YTHDC2: variants seen among roughly 807,000 people sequenced by gnomAD.
The protein encoded by YTHDC2 is YTH N6-methyladenosine RNA binding protein C2, also known as 3'-5' RNA helicase YTHDC2.
YTHDC2 carries 45 observed loss-of-function variants against 174.9 expected under a neutral mutation model. That is an observed-to-expected ratio of 0.26 (90% CI 0.20 to 0.33). The LOEUF (loss-of-function observed/expected upper bound fraction) is 0.33. YTHDC2 is among the 10% of genes least tolerant of loss of function. YTHDC2 has a pLI of 1.00. For missense variants in YTHDC2, 1,650 were observed against 1,723.7 expected (o/e 0.96, Z 0.76); for synonymous variants, 657 against 574.5 (o/e 1.14, Z -2.05).
chr5:113,563,715 T>C lies in YTHDC2; in HGVS notation c.2443-144T>C. The C allele has an allele frequency of 2.0e-6, 2 of 1,016,902 alleles. 1 individual carries two copies. The highest frequency in any genetic ancestry group is 2.8e-6 in the Non-Finnish European group (2 of 710,238). 63.0% of individuals were successfully genotyped at this position (1,016,902 alleles called of 1,614,324 possible). A position where few individuals can be genotyped will look rare whatever the true frequency, so the allele number is the denominator to read the frequency against. On this transcript the variant is annotated intron_variant, in intron 19 of 29. Coordinates refer to ENST00000161863, the MANE Select transcript of YTHDC2 (RefSeq NM_022828.5). ...CAGTAGATATAGTTCTTTTATATAG[T>C]ATAATAGAAACGAAATATATTTTTA...
intron 4 of YTHDC2, 41 bp downstream of exon 4, chr5:113,526,826 A>AT (rs1554092443): frequency 0.032 from 4,640 of 145,282 alleles, 70 homozygotes; most frequent in Admixed American, 0.047. Flanking sequence ...AAAAAAAAAA[A>AT]ATATATATAT....
At chr5:113,540,367 A>G (rs912788983) in intron 8 of YTHDC2, among the ~76,000 whole-genome samples, 1 of 152,260 alleles carries the variant, frequency 6.6e-6, no homozygotes, top group Non-Finnish European at 1.5e-5. Flanking sequence ...ACTTATTAGT[A>G]GGACTTGGAA....
intron 4 of YTHDC2, 54 bp downstream of exon 4, chr5:113,526,839 A>G: frequency 5.1e-6 from 2 of 394,046 alleles, no homozygotes; most frequent in Non-Finnish European, 7.7e-6. Context: ...ATATATATAT[A>G]TATATATATA....
chr5:113,550,386 TAGAC>T (rs1415709677), intron 12 of YTHDC2, among the ~76,000 whole-genome samples: 3 of 152,170 alleles, frequency 2.0e-5, no homozygotes, highest in South Asian at 2.1e-4. Context: ...AAATAAAAAT[TAGAC>T]AGTTGTTACT....
intron 5 of YTHDC2, among the ~76,000 whole-genome samples, 189 bp downstream of exon 5, chr5:113,533,234 T>C (rs1774805773): frequency 6.6e-6 from 1 of 152,156 alleles, no homozygotes; most frequent in Non-Finnish European, 1.5e-5. Flanking sequence ...AAAAAGACTT[T>C]GAACCATAGA....
In YTHDC2 at chr5:113,561,140, T is replaced by C. The variant is rs372559442; in HGVS notation, c.2277T>C (p.Asn759=). 6.8e-6 allele frequency: 11 copies of C among 1,613,138 alleles called. No homozygotes were observed. Among genetic ancestry groups the C allele is most frequent in the African/African-American group, 4.0e-5 (3 of 74,906 alleles). Residue 759 remains asparagine, a synonymous_variant, in exon 18 of 30, where the codon AAT becomes AAC. Transcript: ENST00000161863. Reference sequence around the variant, plus strand: ...TGTTCAGTAGACTCCGATTCCAGAATATGTTGGAATTTCAGACTCCGGAAC... The same window carrying C: ...TGTTCAGTAGACTCCGATTCCAGAACATGTTGGAATTTCAGACTCCGGAAC... ...FRLFSRLRFQ[N]MLEFQTPELL...
At chr5:113,578,381 T>TGTTTC in intron 23 of YTHDC2, among the ~76,000 whole-genome samples, 2 of 146,642 alleles carry the variant, frequency 1.4e-5, no homozygotes, top group Middle Eastern at 3.4e-3. Flanking sequence ...TGTTTTGTTT[T>TGTTTC]GTTTTGTTTT....
chr5:113,545,763 C>T (rs1400009960), intron 10 of YTHDC2, among the ~76,000 whole-genome samples: 3 of 33,328 alleles, frequency 9.0e-5, no homozygotes, highest in East Asian at 6.7e-4. Context: ...TTTTTTGAGA[C>T]GGAGTCTCGC....
At chr5:113,593,111 A>T (rs1779092776) in intron 28 of YTHDC2, 192 bp from the exon 29 acceptor site, 1 of 400,022 alleles carries the variant, frequency 2.5e-6, no homozygotes, top group African/African-American at 2.0e-5. Flanking sequence ...CTGTAATCTT[A>T]AATCTGGAAG....
At position 113,548,612 on chromosome 5, in the gene YTHDC2, G is replaced by A; in HGVS notation, c.1567G>A (p.Val523Ile). The A allele has an allele frequency of 6.2e-7, 1 of 1,613,486 alleles. No individual in the cohort carries two copies. Among genetic ancestry groups the A allele is most frequent in the Non-Finnish European group, 8.5e-7 (1 of 1,179,672 alleles). Reference sequence around the variant, plus strand: ...TGCAGGACGTGGCTTTGCAAGTCAAGTAGAACAGTTAATCAGTATGGGAGC... The same window carrying A: ...TGCAGGACGTGGCTTTGCAAGTCAAATAGAACAGTTAATCAGTATGGGAGC... Reference protein sequence around the residue: ...VAAGRGFASQVEQLISMGANV... With the variant: ...VAAGRGFASQIEQLISMGANV... Residue 523 changes from valine to isoleucine, a missense_variant, in exon 11 of 30, where the codon GTA (valine) becomes ATA (isoleucine). Physicochemically the swap from Val to Ile is conservative, Grantham distance 29. Transcript: ENST00000161863.
chr5:113,579,649 C>G lies in YTHDC2; in HGVS notation c.3308C>G (p.Ala1103Gly), dbSNP rs1442877437. The change falls in exon 24 of 30, where the codon GCA becomes GGA. Residue 1103 changes from alanine to glycine, a missense_variant. Ala to Gly is a moderately conservative substitution (Grantham distance 60, BLOSUM62 0). Around this residue, in one of 5 missense-constraint regions of YTHDC2, gnomAD observed 913 missense variants for 940.4 expected, o/e 0.97. Coordinates refer to ENST00000161863, the MANE Select transcript of YTHDC2 (RefSeq NM_022828.5). ...EMEDKTTANLAALKLDEWLHF... is the reference protein window; with the variant it reads ...EMEDKTTANLGALKLDEWLHF... ...GAGGACAAAACTACAGCTAATTTGG[C>G]AGCCTTGAAACTTGATGAGTGGCTC... 1 of 1,610,436 alleles carries G rather than the reference C, an allele frequency of 6.2e-7. No homozygotes were observed. Among genetic ancestry groups the G allele is most frequent in the East Asian group, 2.2e-5 (1 of 44,572 alleles).
intron 12 of YTHDC2, among the ~76,000 whole-genome samples, chr5:113,552,791 G>T (rs1376669975): frequency 6.6e-6 from 1 of 152,024 alleles, no homozygotes; most frequent in East Asian, 1.9e-4. Flanking sequence ...ATGCATGAGG[G>T]TTTAAATTTC....
intron 2 of YTHDC2, among the ~76,000 whole-genome samples, chr5:113,517,074 T>A (rs891221965): frequency 2.0e-5 from 3 of 152,214 alleles, no homozygotes; most frequent in African/African-American, 7.2e-5. Flanking sequence ...TTTTTTAGAC[T>A]TTAGAAAGGT....
Position 113,584,393 on chromosome 5 carries a change from C to T in YTHDC2, c.3739C>T (p.Arg1247Ter). 6.2e-7 allele frequency: 1 copy of T among 1,613,748 alleles called. No homozygotes were observed. The highest frequency in any genetic ancestry group is 8.5e-7 in the Non-Finnish European group (1 of 1,179,760). Residue 1247 changes from arginine (R) to a stop codon, truncating the protein, a stop_gained, in exon 26 of 30, where the codon CGA becomes TGA. Transcript: ENST00000161863. LOFTEE classifies it high-confidence loss of function. ...ACATCCTAAACGAGGTACTGAGGAC[C>T]GATCAGATCAGTCTTCTCTGAAATC... ...ILHPKRGTED[R>*]SDQSSLKSTD...
rs11960784 is a variant in YTHDC2 at position 113,587,488 on chromosome 5, C to T, written c.3825+3009C>T. 2.4e-3 allele frequency among the ~76,000 whole-genome samples: 160 copies of T among 67,478 alleles called. 1 individual carries two copies. Among genetic ancestry groups the T allele is most frequent in the Non-Finnish European group, 2.9e-3 (119 of 41,342 alleles). The allele number at this position is 67,478 out of a possible 152,430, so 44.3% of individuals were successfully genotyped here. A position where few individuals can be genotyped will look rare whatever the true frequency, so the allele number is the denominator to read the frequency against. ...AATATATAAATATATATTATGTATT[C>T]ATATAATATATATAATGTATTTATA... On this transcript the variant is annotated intron_variant, in intron 26 of 29. Coordinates refer to ENST00000161863, the MANE Select transcript of YTHDC2 (RefSeq NM_022828.5).
chr5:113,554,063 A>AT (rs759001804), intron 16 of YTHDC2, 41 bp downstream of exon 16: 4 of 1,416,272 alleles, frequency 2.8e-6, no homozygotes, highest in Admixed American at 5.1e-5. Context: ...AATGAAGAAG[A>AT]TTAAGTTCTA....
intron 10 of YTHDC2, among the ~76,000 whole-genome samples, chr5:113,546,035 C>T (rs539327737): frequency 5.7e-5 from 7 of 123,128 alleles, no homozygotes; most frequent in Non-Finnish European, 6.4e-5. Flanking sequence ...CCACCGCGCC[C>T]GGCCTGATCT....
chr5:113,534,243 T>G, intron 5 of YTHDC2, 62 bp from the exon 6 acceptor site: 1 of 1,232,808 alleles, frequency 8.1e-7, no homozygotes, highest in Non-Finnish European at 1.2e-6. Flanking sequence ...TTTAATGTGA[T>G]TATATTTTAG....
chr5:113,524,217 A>G (rs965080700), intron 2 of YTHDC2, among the ~76,000 whole-genome samples: 2 of 152,146 alleles, frequency 1.3e-5, no homozygotes, highest in Admixed American at 6.5e-5. Flanking sequence ...CTGCTACATT[A>G]TAGGCATGTA....
Sources: gnomAD v4.1 joint callset for allele counts (sites outside exome capture counted in the v4.1 genomes callset) on GRCh38, gnomAD v4.1.1 for gene constraint, gnomAD v4.1.1 regional missense constraint, MANE v1.5 for transcripts, NCBI Gene and HGNC (gene_info 2026-07-23, HGNC 2026-07-21) for gene names.